STK3: variants seen among roughly 807,000 people sequenced by gnomAD.
The protein encoded by STK3 is serine/threonine-protein kinase 3.
STK3 carries 41 observed loss-of-function variants against 58.0 expected under a neutral mutation model. That is an observed-to-expected ratio of 0.71 (90% CI 0.55 to 0.92). The LOEUF is 0.92. Ranked by LOEUF, STK3 falls within the 40% of genes least tolerant of loss-of-function variation. The pLI, the probability that STK3 is intolerant of heterozygous loss-of-function variation, is 0.00. For missense variants in STK3, 479 were observed against 602.7 expected (o/e 0.79, Z 2.15); for synonymous variants, 170 against 191.0 (o/e 0.89, Z 0.91).
intron 3 of STK3, among the ~76,000 whole-genome samples, chr8:98,759,640 TA>T (rs879331486): frequency 2.0e-3 from 294 of 143,690 alleles, no homozygotes; most frequent in Middle Eastern, 3.5e-3. Flanking sequence ...AACCTTCAAT[TA>T]AAAAAAAAAA....
At chr8:98,918,933 G>C (rs910369308) in intron 1 of STK3, among the ~76,000 whole-genome samples, 14 of 151,852 alleles carry the variant, frequency 9.2e-5, no homozygotes, top group Admixed American at 3.9e-4. Context: ...CGGCCTGAGA[G>C]TAAGAGGCAA....
intron 10 of STK3, among the ~76,000 whole-genome samples, chr8:98,481,677 A>G (rs967232564): frequency 9.9e-5 from 15 of 151,640 alleles, no homozygotes; most frequent in African/African-American, 2.9e-4. Flanking sequence ...CTATTATACA[A>G]CTTGCCCATG....
At chr8:98,791,271 A>G in intron 1 of STK3, among the ~76,000 whole-genome samples, 1 of 152,248 alleles carries the variant, frequency 6.6e-6, no homozygotes. Flanking sequence ...CAAGGAGGTA[A>G]AAGACCTCTA....
At chr8:98,940,408 C>T (rs1840366243) in intron 1 of STK3, among the ~76,000 whole-genome samples, 2 of 152,168 alleles carry the variant, frequency 1.3e-5, no homozygotes, top group East Asian at 1.9e-4. Flanking sequence ...CAGGCTAGAC[C>T]ACCACGGCCA....
At chr8:98,570,115 G>A (rs1278535691) in intron 8 of STK3, among the ~76,000 whole-genome samples, 1 of 148,174 alleles carries the variant, frequency 6.7e-6, no homozygotes. Context: ...ATATATATAT[G>A]TTTTTTCTTT....
At chr8:98,548,702 G>A (rs1810920060) in intron 8 of STK3, among the ~76,000 whole-genome samples, 1 of 152,054 alleles carries the variant, frequency 6.6e-6, no homozygotes, top group Non-Finnish European at 1.5e-5. Flanking sequence ...ACCATTATAT[G>A]TTTACAGAAC....
intron 8 of STK3, among the ~76,000 whole-genome samples, chr8:98,568,356 G>A (rs1812681678): frequency 6.6e-6 from 1 of 152,100 alleles, no homozygotes. Flanking sequence ...AAAATGTTTG[G>A]AAGTTAGAAA....
chr8:98,802,975 C>T (rs549795699), intron 1 of STK3, among the ~76,000 whole-genome samples: 158 of 152,292 alleles, frequency 1.0e-3, no homozygotes, highest in African/African-American at 3.5e-3. Context: ...TTATCCCCAG[C>T]ACAAAAAACT....
At chr8:98,598,461 C>G in intron 6 of STK3, 4 of 985,376 alleles carry the variant, frequency 4.1e-6, no homozygotes, top group Non-Finnish European at 4.8e-6. Flanking sequence ...CAAAATGTCT[C>G]CAGGAAAACC....
chr8:98,881,309 C>T (rs570146397), downstream of STK3: 35 of 152,290 alleles, frequency 2.3e-4, no homozygotes, highest in African/African-American at 7.5e-4. Context: ...ATCTATATGA[C>T]ATTCTGGAAA....
chr8:98,447,653 G>A (rs6468640), intron 1 of STK3, among the ~76,000 whole-genome samples: 117,415 of 118,048 alleles, frequency 0.99, 58,584 homozygotes, highest in Non-Finnish European at 1. Context: ...TATAGTATCT[G>A]TATATTGCAA....
intron 1 of STK3, among the ~76,000 whole-genome samples, chr8:98,922,561 C>T (rs1246120975): frequency 1.3e-5 from 2 of 152,196 alleles, no homozygotes; most frequent in African/African-American, 4.8e-5. Flanking sequence ...TAGCTCAGAA[C>T]CTGGTACATA....
chr8:98,797,843 C>T (rs1331851742), intron 1 of STK3, among the ~76,000 whole-genome samples: 3 of 151,936 alleles, frequency 2.0e-5, no homozygotes. Flanking sequence ...TGCCACAGAA[C>T]AACAATGATA....
intron 2 of STK3, among the ~76,000 whole-genome samples, chr8:98,375,271 C>CAAAAAAAAAAA (rs10659549): frequency 7.2e-6 from 1 of 138,286 alleles, no homozygotes; most frequent in East Asian, 2.2e-4. Context: ...AAAAAAAAAA[C>CAAAAAAAAAAA]AAAAAAAAAC....
Position 98,428,967 on chromosome 8 carries a change from G to T in STK3, n.483+5160C>A. The T allele has an allele frequency of 6.2e-7, 1 of 1,614,140 alleles. No homozygotes were observed. Among genetic ancestry groups the T allele is most frequent in the Admixed American group, 1.7e-5 (1 of 60,026 alleles). ...TTTGAAATACAGCTACAAAGAAGTAGGGCTGCTCTTGCTCTACCTCTCCGT... is the reference window on the plus strand; with the variant it reads ...TTTGAAATACAGCTACAAAGAAGTATGGCTGCTCTTGCTCTACCTCTCCGT... On this transcript the variant is annotated intron_variant and non_coding_transcript_variant, in intron 3 of 3. Coordinates refer to the STK3 transcript ENST00000517832. The surrounding 1 kb of genome is among the most constrained non-coding windows in gnomAD (Gnocchi z 6.7).
At chr8:98,450,942 G>C (rs1370150122), downstream of STK3, among the ~76,000 whole-genome samples, 3 of 152,192 alleles carry the variant, frequency 2.0e-5, no homozygotes, top group Admixed American at 6.5e-5. Context: ...AGATTTTAGA[G>C]ACAGATGGGA....
the STK3 span, among the ~76,000 whole-genome samples, chr8:98,363,310 G>A: frequency 1.3e-5 from 2 of 152,316 alleles, no homozygotes; most frequent in Admixed American, 6.5e-5. Flanking sequence ...GGAAACATAT[G>A]AGGCTAAATG....
intron 6 of STK3, among the ~76,000 whole-genome samples, chr8:98,620,925 A>ATTTT (rs534225654): frequency 1.3e-4 from 17 of 130,260 alleles, no homozygotes; most frequent in Non-Finnish European, 2.1e-4. Flanking sequence ...AAAACAACTG[A>ATTTT]TTTTTTTTTT....
At chr8:98,686,713 G>A (rs187834517) in intron 6 of STK3, among the ~76,000 whole-genome samples, 9 of 151,998 alleles carry the variant, frequency 5.9e-5, no homozygotes, top group East Asian at 1.9e-4. Flanking sequence ...TTTGAAAGAC[G>A]GCACAGTTAT....
Sources: gnomAD v4.1 joint callset for allele counts (sites outside exome capture counted in the v4.1 genomes callset) on GRCh38, gnomAD v4.1.1 for gene constraint, Gnocchi (gnomAD v3.1) non-coding constraint, MANE v1.5 for transcripts, NCBI Gene and HGNC (gene_info 2026-07-23, HGNC 2026-07-21) for gene names.